The following C8A variants were observed in gnomAD, a reference collection of about 807,000 sequenced individuals.
C8A encodes complement component C8 alpha chain.
C8A carries 67 observed loss-of-function variants against 65.3 expected under a neutral mutation model. The ratio of observed to expected loss-of-function variants is 1.03; its 90% CI spans 0.84 to 1.26. The LOEUF (loss-of-function observed/expected upper bound fraction) is 1.26. Among genes scored for constraint, C8A ranks in the 50% most tolerant of loss-of-function variants. C8A has a pLI of 0.00. For synonymous variants in C8A, 290 were observed against 259.4 expected (o/e 1.12, Z -1.13); for missense variants, 781 against 723.9 (o/e 1.08, Z -0.90).
chr1:56,878,197 C>CA (rs2101224044), intron 4 of C8A, among the ~76,000 whole-genome samples: 1 of 152,216 alleles, frequency 6.6e-6, no homozygotes, highest in African/African-American at 2.4e-5. Flanking sequence ...CATTGGATAA[C>CA]AGCCCACCAT....
At chr1:56,885,301 TATATATTTACATAA>T (rs1407960277) in intron 6 of C8A, among the ~76,000 whole-genome samples, 2 of 129,608 alleles carry the variant, frequency 1.5e-5, no homozygotes, top group African/African-American at 6.9e-5. Context: ...TATATATTTA[TATATATTTACATAA>T]ATATATTTAT....
At position 56,867,817 on chromosome 1, in the gene C8A, G is replaced by A. The variant is rs1297403335; in HGVS notation, c.171+115G>A. 7 of 783,724 alleles carry A rather than the reference G, an allele frequency of 8.9e-6. No homozygotes were observed. The East Asian group carries it at 1.8e-4, about 21-fold the overall frequency. 48.5% of individuals were successfully genotyped at this position (783,724 alleles called of 1,614,324 possible). A position where few individuals can be genotyped will look rare whatever the true frequency, so the allele number is the denominator to read the frequency against. ...GGGGCCTGGGGAGAAATTGGGTCTA[G>A]AAATTGTTGTTTGAAATCCATTATA... On this transcript the variant is annotated intron_variant, in intron 2 of 10. Transcript: ENST00000361249.
At chr1:56,896,953 C>T (rs561618199) in intron 7 of C8A, among the ~76,000 whole-genome samples, 4 of 152,294 alleles carry the variant, frequency 2.6e-5, no homozygotes, top group Admixed American at 2.6e-4. Context: ...CCTCATTTCA[C>T]AGATGAGGAC....
In C8A at chr1:56,917,717, G is replaced by A. The variant is rs1361617561; in HGVS notation, c.*1G>A. On this transcript the variant is annotated 3_prime_UTR_variant, in exon 11 of 11. Coordinates refer to ENST00000361249, the MANE Select transcript of C8A (RefSeq NM_000562.3). ...GAAAGTACAGACGCAGGCTTGCTGAGGGCCTCTGGACACAGGCTGGACCAG... is the reference window on the plus strand; with the variant it reads ...GAAAGTACAGACGCAGGCTTGCTGAAGGCCTCTGGACACAGGCTGGACCAG... The A allele has an allele frequency of 1.2e-6, 2 of 1,614,002 alleles. No individual in the cohort carries two copies. Among genetic ancestry groups the A allele is most frequent in the Admixed American group, 1.7e-5 (1 of 60,030 alleles).
At chr1:56,862,836 T>A (rs1644047536) in intron 1 of C8A, among the ~76,000 whole-genome samples, 1 of 152,182 alleles carries the variant, frequency 6.6e-6, no homozygotes, top group African/African-American at 2.4e-5. Flanking sequence ...GAATTATGAA[T>A]GGCTCCTTAA....
At chr1:56,900,413 C>G (rs963635922) in intron 7 of C8A, among the ~76,000 whole-genome samples, 4 of 152,142 alleles carry the variant, frequency 2.6e-5, no homozygotes, top group African/African-American at 9.7e-5. Flanking sequence ...AATTATCATT[C>G]CCGTTTTAAA....
chr1:56,916,168 G>A (rs1033138137), intron 10 of C8A, among the ~76,000 whole-genome samples: 6 of 152,188 alleles, frequency 3.9e-5, no homozygotes, highest in Admixed American at 1.3e-4. Context: ...TGGGCATTAC[G>A]TAATGATCTG....
chr1:56,879,287 T>C (rs1039598573), intron 4 of C8A, among the ~76,000 whole-genome samples: 1 of 152,246 alleles, frequency 6.6e-6, no homozygotes, highest in East Asian at 1.9e-4. Flanking sequence ...ACAAAAATGC[T>C]GCAATGAACA....
Position 56,907,936 on chromosome 1 carries a change from G to C in C8A, c.1223-20G>C, listed in dbSNP as rs1644478438. 6.2e-7 allele frequency: 1 copy of C among 1,614,070 alleles called. No individual in the cohort carries two copies. Among genetic ancestry groups the C allele is most frequent in the South Asian group, 1.1e-5 (1 of 91,068 alleles). On this transcript the variant is annotated intron_variant, in intron 8 of 10. Coordinates refer to ENST00000361249, the MANE Select transcript of C8A (RefSeq NM_000562.3). ...GCTTTTTGGGAAATGAGTTAATGCA[G>C]TTTATCCTCTTGATGGCAGAAAGGG... is the stretch of plus-strand genomic sequence containing the variant.
At chr1:56,901,535 C>T (rs928497501) in intron 7 of C8A, among the ~76,000 whole-genome samples, 3 of 152,112 alleles carry the variant, frequency 2.0e-5, no homozygotes, top group African/African-American at 7.2e-5. Context: ...GGCTCCTAGC[C>T]TGTCAAGTAG....
At chr1:56,856,111 C>CA (rs1313764780) in intron 1 of C8A, among the ~76,000 whole-genome samples, 2 of 152,000 alleles carry the variant, frequency 1.3e-5, no homozygotes, top group African/African-American at 2.4e-5. Flanking sequence ...CAAGTCAAGG[C>CA]AAAATGGAAC....
chr1:56,867,965 G>A (rs536001465), intron 2 of C8A, among the ~76,000 whole-genome samples: 8 of 152,184 alleles, frequency 5.3e-5, no homozygotes, highest in South Asian at 2.1e-4. Flanking sequence ...ACATGGGCAC[G>A]TTTGTTTCTC....
chr1:56,880,735 T>G (rs1158545732), intron 4 of C8A, among the ~76,000 whole-genome samples: 1 of 152,188 alleles, frequency 6.6e-6, no homozygotes, highest in African/African-American at 2.4e-5. Flanking sequence ...ATTGCTACAA[T>G]AGCAACCTTT....
chr1:56,890,917 T>A (rs1439405490), intron 7 of C8A, among the ~76,000 whole-genome samples: 2 of 152,308 alleles, frequency 1.3e-5, no homozygotes, highest in East Asian at 3.9e-4. Flanking sequence ...TTTATTTGTT[T>A]ATTGTCAATC....
intron 6 of C8A, among the ~76,000 whole-genome samples, chr1:56,885,403 T>C (rs193296355): frequency 0.13 from 16,906 of 132,252 alleles, 2,070 homozygotes; most frequent in East Asian, 0.31. Flanking sequence ...TAAATAAATA[T>C]ATATTTATTT....
In C8A at chr1:56,881,535, G is replaced by C; in HGVS notation, c.555G>C (p.Trp185Cys). ...GTGAGACGGTATACAATGGGGAATG[G>C]AGGGAGCTTCGATATGACTCCACCT... ...GQCETVYNGE[W>C]RELRYDSTCE... The change falls in exon 5 of 11, where the codon TGG becomes TGC. Residue 185 changes from tryptophan (W) to cysteine (C), a missense_variant. Coordinates refer to ENST00000361249, the MANE Select transcript of C8A (RefSeq NM_000562.3). The C allele has an allele frequency of 6.2e-7, 1 of 1,613,802 alleles. No individual in the cohort carries two copies. Among genetic ancestry groups the C allele is most frequent in the East Asian group, 2.2e-5 (1 of 44,866 alleles).
At chr1:56,900,360 C>T (rs145240382) in intron 7 of C8A, among the ~76,000 whole-genome samples, 4 of 152,250 alleles carry the variant, frequency 2.6e-5, no homozygotes, top group Admixed American at 2.0e-4. Context: ...TTATTGAAGA[C>T]CTAATTGTGC....
At position 56,885,957 on chromosome 1, in the gene C8A, G is replaced by T. The variant is rs1644296352; in HGVS notation, c.886G>T (p.Val296Leu). ...CATTTTCACAAGAATCTTCACAAAG[G>T]TGCAGACTGCACATTTTAAGATGAG... ...KFIFTRIFTKVQTAHFKMRKD... is the reference protein window; with the variant it reads ...KFIFTRIFTKLQTAHFKMRKD... The change falls in exon 7 of 11, where the codon GTG becomes TTG. Residue 296 changes from valine to leucine, a missense_variant. Val to Leu is a conservative substitution (Grantham distance 32). Transcript: ENST00000361249. The T allele has an allele frequency of 1.2e-6, 2 of 1,613,834 alleles. No homozygotes were observed. The highest frequency in any genetic ancestry group is 1.3e-5 in the African/African-American group (1 of 74,920).
At chr1:56,907,285 T>C (rs1016181723) in intron 8 of C8A, among the ~76,000 whole-genome samples, 7 of 152,134 alleles carry the variant, frequency 4.6e-5, no homozygotes, top group African/African-American at 7.2e-5. Flanking sequence ...GGTATTGAGT[T>C]TTTTTCCCCA....
Sources: gnomAD v4.1 joint callset for allele counts (sites outside exome capture counted in the v4.1 genomes callset) on GRCh38, gnomAD v4.1.1 for gene constraint, MANE v1.5 for transcripts, NCBI Gene and HGNC (gene_info 2026-07-23, HGNC 2026-07-21) for gene names.